CLASP1: variants seen among roughly 807,000 people sequenced by gnomAD.
CLASP1 encodes cytoplasmic linker associated protein 1.
In CLASP1, 38 loss-of-function variants were observed where a neutral mutation model predicts 192.3. The observed-to-expected ratio is 0.20, with a 90% CI of 0.15 to 0.26. The LOEUF (loss-of-function observed/expected upper bound fraction) is 0.26, where lower values mean the gene tolerates loss of function less well. Ranked by LOEUF, CLASP1 falls within the 10% of genes least tolerant of loss-of-function variation. The pLI, the probability that CLASP1 is intolerant of heterozygous loss-of-function variation, is 1.00. For synonymous variants in CLASP1, 691 were observed against 712.8 expected (o/e 0.97, Z 0.49); for missense variants, 1,433 against 1,932.5 (o/e 0.74, Z 4.85).
intron 19 of CLASP1, among the ~76,000 whole-genome samples, chr2:121,437,725 C>T (rs2082546864): frequency 6.6e-6 from 1 of 152,144 alleles, no homozygotes; most frequent in Admixed American, 6.6e-5. Context: ...AATGATGATG[C>T]AGGTCTTAAA....
chr2:121,367,773 A>G lies in CLASP1; in HGVS notation c.3701T>C (p.Val1234Ala), dbSNP rs571030723. 9 of 1,613,886 alleles carry G rather than the reference A, an allele frequency of 5.6e-6. No individual in the cohort carries two copies. The South Asian group carries it at 9.9e-5, about 18-fold the overall frequency. ...ATCCAGAGCTGTCCGGCCTCCTTCT[A>G]CTTCACTACCCCCCCGGCCCTCAGT... Residue 1234 changes from valine (V) to alanine (A), a missense_variant, in exon 35 of 40, where the codon GTA becomes GCA. Val to Ala is a moderately conservative substitution (Grantham distance 64). Transcript: ENST00000263710.
At chr2:121,577,954 A>G (rs1215225681) in intron 2 of CLASP1, among the ~76,000 whole-genome samples, 1 of 152,056 alleles carries the variant, frequency 6.6e-6, no homozygotes, top group African/African-American at 2.4e-5. Context: ...ACTGATTGAG[A>G]AAGAGTCTCA....
At chr2:121,454,134 A>T (rs1282025808) in intron 14 of CLASP1, among the ~76,000 whole-genome samples, 2 of 152,126 alleles carry the variant, frequency 1.3e-5, no homozygotes, top group Non-Finnish European at 2.9e-5. Context: ...TTATGAAGCG[A>T]ATTTTATCTC....
intron 1 of CLASP1, among the ~76,000 whole-genome samples, chr2:121,634,443 C>T (rs554533584): frequency 1.3e-5 from 2 of 152,282 alleles, no homozygotes; most frequent in Non-Finnish European, 2.9e-5. Flanking sequence ...GCATCACCTC[C>T]AGTCTCCCTA....
chr2:121,646,058 A>T (rs567197817), intron 1 of CLASP1, among the ~76,000 whole-genome samples: 2 of 152,360 alleles, frequency 1.3e-5, no homozygotes, highest in South Asian at 4.1e-4. Flanking sequence ...AAACTGTATC[A>T]GCGATGATTT....
chr2:121,482,695 C>A (rs926855912), intron 8 of CLASP1, among the ~76,000 whole-genome samples: 5 of 152,166 alleles, frequency 3.3e-5, no homozygotes, highest in Non-Finnish European at 1.5e-5. Flanking sequence ...ACTCTGTGAG[C>A]ACCTGAGCTG....
chr2:121,404,131 A>T (rs1424017995), intron 26 of CLASP1, among the ~76,000 whole-genome samples: 2 of 152,216 alleles, frequency 1.3e-5, no homozygotes, highest in Non-Finnish European at 2.9e-5. Context: ...AGACCATCTG[A>T]TTCTCTCCCT....
intron 2 of CLASP1, 63 bp downstream of exon 2, chr2:121,605,638 C>A (rs981574463): frequency 6.8e-5 from 86 of 1,262,786 alleles, no homozygotes; most frequent in Admixed American, 1.8e-5. Flanking sequence ...TTTATAAGGG[C>A]CAATTTTGAT....
chr2:121,483,129 C>T (rs1460813734), intron 8 of CLASP1, among the ~76,000 whole-genome samples: 1 of 152,190 alleles, frequency 6.6e-6, no homozygotes, highest in Non-Finnish European at 1.5e-5. Context: ...GGGCAGAAGA[C>T]TGACTTCATC....
At chr2:121,582,044 TC>T (rs1168169267) in intron 2 of CLASP1, among the ~76,000 whole-genome samples, 2 of 151,636 alleles carry the variant, frequency 1.3e-5, no homozygotes, top group African/African-American at 4.9e-5. Context: ...GTGTCTGTAA[TC>T]CCAGCTACGT....
chr2:121,465,447 G>A (rs536972908), intron 9 of CLASP1, among the ~76,000 whole-genome samples: 1 of 152,204 alleles, frequency 6.6e-6, no homozygotes, highest in East Asian at 1.9e-4. Flanking sequence ...AAAATACCTA[G>A]GAATCCAACT....
chr2:121,418,529 G>T, intron 23 of CLASP1, 93 bp downstream of exon 23: 2 of 834,708 alleles, frequency 2.4e-6, no homozygotes, highest in Non-Finnish European at 4.1e-6. Context: ...AAGGACAGTA[G>T]AGGAGGAAAA....
chr2:121,387,621 A>T, intron 31 of CLASP1, 142 bp downstream of exon 32: 1 of 762,558 alleles, frequency 1.3e-6, no homozygotes, highest in Non-Finnish European at 2.1e-6. Context: ...ACTGGGGCTT[A>T]AGATGGCCCC....
At chr2:121,544,907 C>CTTTTTTTTTTTTTTTTTTTTTTTTT (rs3078562) in intron 2 of CLASP1, among the ~76,000 whole-genome samples, 3 of 122,886 alleles carry the variant, frequency 2.4e-5, no homozygotes, top group South Asian at 2.5e-4. Flanking sequence ...CTTTTCTTTT[C>CTTTTTTTTTTTTTTTTTTTTTTTTT]TTTTTTTTTT....
chr2:121,440,162 A>G (rs2083065656), intron 19 of CLASP1, among the ~76,000 whole-genome samples: 1 of 151,346 alleles, frequency 6.6e-6, no homozygotes, highest in Admixed American at 6.6e-5. Context: ...TTGTCATTCC[A>G]GTCTGTGATC....
intron 18 of CLASP1, 120 bp downstream of exon 18, chr2:121,448,156 C>A: frequency 1.2e-6 from 1 of 823,268 alleles, no homozygotes; most frequent in Non-Finnish European, 2.1e-6. Context: ...AGGCAACATT[C>A]AAGCCTAAGA....
chr2:121,367,938 T>C (rs1336207541), intron 34 of CLASP1, 107 bp from the exon 36 acceptor site: 7 of 1,441,442 alleles, frequency 4.9e-6, no homozygotes, highest in South Asian at 4.0e-5. Context: ...GAAATATGTA[T>C]GGCCAGTGAC....
intron 39 of CLASP1, among the ~76,000 whole-genome samples, chr2:121,344,750 G>C (rs143979028): frequency 6.6e-6 from 1 of 152,162 alleles, no homozygotes; most frequent in African/African-American, 2.4e-5. Flanking sequence ...GACAGACTTA[G>C]CACCAGGTTC....
At chr2:121,601,966 C>A (rs1018397888) in intron 2 of CLASP1, among the ~76,000 whole-genome samples, 1 of 151,898 alleles carries the variant, frequency 6.6e-6, no homozygotes, top group Admixed American at 6.6e-5. Context: ...CCTGAGGTCA[C>A]GAGTTCGAAA....
Sources: allele counts gnomAD v4.1 joint callset (sites outside exome capture counted in the v4.1 genomes callset), GRCh38; gene constraint gnomAD v4.1.1; transcripts MANE v1.5; gene names NCBI Gene and HGNC (gene_info 2026-07-23, HGNC 2026-07-21).